SBK1: variants seen among roughly 807,000 people sequenced by gnomAD.
SBK1 encodes serine/threonine-protein kinase SBK1.
SBK1 carries 11 observed loss-of-function variants against 24.4 expected under a neutral mutation model. The ratio of observed to expected loss-of-function variants is 0.45; its 90% CI spans 0.28 to 0.75. The LOEUF (loss-of-function observed/expected upper bound fraction) is 0.75, where lower values mean the gene tolerates loss of function less well. Among genes scored for constraint, SBK1 ranks in the 30% least tolerant of loss-of-function variants. The pLI is 0.12. For synonymous variants in SBK1, 308 were observed against 284.4 expected, an observed-to-expected ratio of 1.08 and a Z score of -0.83; for missense variants, 467 against 620.5, an observed-to-expected ratio of 0.75 and a Z score of 2.63.
intron 1 of SBK1, among the ~76,000 whole-genome samples, chr16:28,311,998 G>A (rs550328289): frequency 6.6e-6 from 1 of 152,386 alleles, no homozygotes; most frequent in East Asian, 1.9e-4. Flanking sequence ...ACAGCCTGAG[G>A]TGGCCTTGCA....
chr16:28,278,884 T>A (rs1255667832), intron 1 of SBK1, among the ~76,000 whole-genome samples: 5 of 152,346 alleles, frequency 3.3e-5, no homozygotes, highest in African/African-American at 1.2e-4. Flanking sequence ...CTGTGAGGTC[T>A]GCACTTGCCC....
chr16:28,306,741 T>G (rs2044719043), intron 1 of SBK1, among the ~76,000 whole-genome samples: 1 of 152,210 alleles, frequency 6.6e-6, no homozygotes, highest in Non-Finnish European at 1.5e-5. Context: ...GCCCTGTGCC[T>G]TCCTCATCTC....
At chr16:28,283,380 C>T (rs1425483954) in intron 1 of SBK1, among the ~76,000 whole-genome samples, 1 of 152,118 alleles carries the variant, frequency 6.6e-6, no homozygotes, top group Non-Finnish European at 1.5e-5. Context: ...GGGGATCAAA[C>T]GATGACAAGG....
At chr16:28,315,960 T>C (rs1046583408) in intron 1 of SBK1, among the ~76,000 whole-genome samples, 2 of 152,042 alleles carry the variant, frequency 1.3e-5, no homozygotes, top group African/African-American at 4.8e-5. Context: ...GAGACAGGGT[T>C]CCGCCACATT....
At chr16:28,276,960 G>A (rs1206592834) in intron 1 of SBK1, among the ~76,000 whole-genome samples, 4 of 152,042 alleles carry the variant, frequency 2.6e-5, no homozygotes, top group Non-Finnish European at 4.4e-5. Context: ...CACAGCTCCC[G>A]GGCGGTGGAT....
chr16:28,280,146 T>TA (rs2044522245), intron 1 of SBK1, among the ~76,000 whole-genome samples: 3 of 94,240 alleles, frequency 3.2e-5, no homozygotes, highest in African/African-American at 1.2e-4. Context: ...TATATATATA[T>TA]ATATGTGTGT....
upstream of SBK1, chr16:28,291,568 A>C (rs941033276): frequency 2.0e-5 from 3 of 152,210 alleles, no homozygotes; most frequent in African/African-American, 7.2e-5. Flanking sequence ...AAAAAACAAA[A>C]AAAAAAGAAA....
chr16:28,269,760 C>G (rs190887993), intron 1 of SBK1, among the ~76,000 whole-genome samples: 2 of 151,902 alleles, frequency 1.3e-5, no homozygotes, highest in Non-Finnish European at 2.9e-5. Context: ...CCTGTAGTCC[C>G]AGCTACTCTC....
intron 1 of SBK1, among the ~76,000 whole-genome samples, chr16:28,280,810 G>A (rs958962597): frequency 2.0e-5 from 3 of 151,986 alleles, no homozygotes; most frequent in South Asian, 2.1e-4. Flanking sequence ...GATTATAGGC[G>A]CATGCCACCA....
chr16:28,280,315 T>A (rs4788057), intron 1 of SBK1, among the ~76,000 whole-genome samples: 7,591 of 138,064 alleles, frequency 0.055, 476 homozygotes, highest in Admixed American at 0.2. Flanking sequence ...ATGTATATAA[T>A]ATATATATAC....
At chr16:28,278,321 C>T (rs1357467107) in intron 1 of SBK1, among the ~76,000 whole-genome samples, 1 of 152,040 alleles carries the variant, frequency 6.6e-6, no homozygotes, top group Non-Finnish European at 1.5e-5. Context: ...AGCCACCTCC[C>T]TCACCCCACC....
At chr16:28,318,423 T>TA (rs1360060705) in intron 2 of SBK1, among the ~76,000 whole-genome samples, 7 of 152,224 alleles carry the variant, frequency 4.6e-5, no homozygotes, top group African/African-American at 1.7e-4. Context: ...TCAGAGTCCT[T>TA]CTCTGTAAAA....
At chr16:28,269,594 G>A (rs1319551195) in intron 1 of SBK1, among the ~76,000 whole-genome samples, 1 of 151,868 alleles carries the variant, frequency 6.6e-6, no homozygotes, top group African/African-American at 2.4e-5. Flanking sequence ...TAGGCTGGGT[G>A]TGGTGGCTCA....
intron 1 of SBK1, among the ~76,000 whole-genome samples, chr16:28,314,989 G>C (rs1230984860): frequency 6.6e-6 from 1 of 152,120 alleles, no homozygotes; most frequent in Non-Finnish European, 1.5e-5. Flanking sequence ...CAAAAAAAAG[G>C]GAAAAAAGGG....
chr16:28,295,535 A>C (rs1347664955), intron 1 of SBK1, among the ~76,000 whole-genome samples: 1 of 152,130 alleles, frequency 6.6e-6, no homozygotes, highest in East Asian at 1.9e-4. Flanking sequence ...CTCCACATCT[A>C]GACTCAGCTC....
chr16:28,269,254 C>T lies in SBK1; in HGVS notation c.257+9752C>T, dbSNP rs554940515. On this transcript the variant is annotated intron_variant, in intron 1 of 3. Transcript: ENST00000671413. ...TTCACCATGTTAGTCAGGCTGGTCT[C>T]GAATTCCCGACCACAGGTGATTCAC... 2.6e-5 allele frequency among the ~76,000 whole-genome samples: 4 copies of T among 151,924 alleles called. No homozygotes were observed. In the East Asian group the frequency reaches 7.8e-4, roughly 30 times the overall value.
Position 28,293,137 on chromosome 16 carries a change from G to A in SBK1, c.-171G>A. On this transcript the variant is annotated 5_prime_UTR_variant, in exon 1 of 4. Coordinates refer to ENST00000341901, the MANE Select transcript of SBK1 (RefSeq NM_001024401.3). ...CACTCTCACCAGCAAGAAGCCTCGG[G>A]GATCCCCCCCCTAAAGCTCCAGGAC... 1.0e-6 allele frequency: 1 copy of A among 985,660 alleles called. No individual in the cohort carries two copies. The highest frequency in any genetic ancestry group is 1.2e-6 in the Non-Finnish European group (1 of 830,110). The allele number at this position is 985,660 out of a possible 1,614,324, so 61.1% of individuals were successfully genotyped here. A position where few individuals can be genotyped will look rare whatever the true frequency, so the allele number is the denominator to read the frequency against.
rs13336491 is a variant in SBK1 at position 28,272,899 on chromosome 16, C to T, written c.257+13397C>T. Among the ~76,000 whole-genome samples the T allele has an allele frequency of 5.5e-3, 832 of 151,840 alleles. 8 individuals carry two copies. Among genetic ancestry groups the T allele is most frequent in the African/African-American group, 0.018 (756 of 41,390 alleles). Reference sequence around the variant, plus strand: ...CCTCCCAAAGTGCTGGGATTACAGGCGTGAGCCACCATGCCTGGCCTGTCA... The same window carrying T: ...CCTCCCAAAGTGCTGGGATTACAGGTGTGAGCCACCATGCCTGGCCTGTCA... On this transcript the variant is annotated intron_variant, in intron 1 of 3. Coordinates refer to the SBK1 transcript ENST00000671413.
Position 28,319,203 on chromosome 16 carries a change from C to G in SBK1, c.429+6C>G, listed in dbSNP as rs750020852. 4 of 1,610,168 alleles carry G rather than the reference C, an allele frequency of 2.5e-6. No individual in the cohort carries two copies. The highest frequency in any genetic ancestry group is 3.4e-6 in the Non-Finnish European group (4 of 1,176,600). On this transcript the variant is annotated splice_donor_region_variant and intron_variant, in intron 3 of 3. Transcript: ENST00000341901. This position sits in a 1 kb window ranked among gnomAD's most constrained non-coding sequence, Gnocchi z 4.0. ...TTGACATCATCCCTCCCCAGGTACT[C>G]GGGATGGTGGCATAGGGTGGGGAAA...
Sources: allele counts gnomAD v4.1 joint callset (sites outside exome capture counted in the v4.1 genomes callset), GRCh38; gene constraint gnomAD v4.1.1; non-coding constraint Gnocchi (gnomAD v3.1); transcripts MANE v1.5; gene names NCBI Gene and HGNC (gene_info 2026-07-23, HGNC 2026-07-21).